The following IL18RAP variants were observed in gnomAD, a reference collection of about 807,000 sequenced individuals.
IL18RAP encodes the protein interleukin 18 receptor accessory protein, also known as interleukin-18 receptor accessory protein.
In IL18RAP, 37 loss-of-function variants were observed where a neutral mutation model predicts 58.1. The observed-to-expected ratio is 0.64, with a 90% CI of 0.49 to 0.84. The LOEUF (loss-of-function observed/expected upper bound fraction) is 0.84. IL18RAP is among the 40% of genes least tolerant of loss of function. The probability of loss-of-function intolerance (pLI) is 0.00; values close to 1 mark genes in which losing one functional copy is unlikely to be tolerated. For missense variants in IL18RAP, 667 were observed against 704.8 expected, an observed-to-expected ratio of 0.95 and a Z score of 0.61; for synonymous variants, 268 against 257.5, an observed-to-expected ratio of 1.04 and a Z score of -0.39.
chr2:102,448,460 T>G (rs2104384567), intron 8 of IL18RAP, among the ~76,000 whole-genome samples: 1 of 152,354 alleles, frequency 6.6e-6, no homozygotes, highest in Middle Eastern at 3.4e-3. Context: ...TTCTGTTTTT[T>G]TCTAGTCCTG....
chr2:102,428,033 C>T (rs1398275529), intron 3 of IL18RAP, among the ~76,000 whole-genome samples: 3 of 146,744 alleles, frequency 2.0e-5, no homozygotes, highest in Non-Finnish European at 3.0e-5. Flanking sequence ...TCTTTCTGGG[C>T]TTTCTGTCAT....
chr2:102,446,938 G>A (rs1683457562), intron 7 of IL18RAP, 132 bp from the exon 8 acceptor site: 3 of 949,112 alleles, frequency 3.2e-6, no homozygotes, highest in African/African-American at 3.3e-5. Flanking sequence ...AAAAACTGCT[G>A]CTAGTGGCAA....
rs1236441784 is a variant in IL18RAP at position 102,424,246 on chromosome 2, A to G, written c.411A>G (p.Val137=). The change falls in exon 3 of 10, where the codon GTA becomes GTG. Residue 137 remains valine (V), a synonymous_variant. Coordinates refer to ENST00000687160, the MANE Select transcript of IL18RAP (RefSeq NM_001393487.1). ...AATTTCCTAGGAGCCCCTATGATGTAGCCTGTTGTGTCAAGATGATTTTAG... is the reference window on the plus strand; with the variant it reads ...AATTTCCTAGGAGCCCCTATGATGTGGCCTGTTGTGTCAAGATGATTTTAG... The part of the protein sequence containing the change: ...RPKMIKSPYD[V]ACCVKMILEV... 6.2e-7 allele frequency: 1 copy of G among 1,613,978 alleles called. No individual in the cohort carries two copies. The highest frequency in any genetic ancestry group is 8.5e-7 in the Non-Finnish European group (1 of 1,179,978).
chr2:102,433,797 C>T (rs1321831172), intron 3 of IL18RAP, among the ~76,000 whole-genome samples: 5 of 147,082 alleles, frequency 3.4e-5, no homozygotes, highest in Non-Finnish European at 3.0e-5. Context: ...CCACCTGCCT[C>T]GGCCTCTCAA....
chr2:102,430,559 G>A (rs1226779550), intron 3 of IL18RAP, among the ~76,000 whole-genome samples: 1 of 151,942 alleles, frequency 6.6e-6, no homozygotes, highest in Non-Finnish European at 1.5e-5. Context: ...GGTGATTATT[G>A]GTAGATAAGC....
rs1347174421 is a variant in IL18RAP, at chr2:102,451,026, G to T, written c.1384+5G>T. On this transcript the variant is annotated splice_donor_5th_base_variant and intron_variant, in intron 9 of 9. Coordinates refer to ENST00000687160, the MANE Select transcript of IL18RAP (RefSeq NM_001393487.1). ...GAGATGTGGCTCCAGGAGGAGGTAAGTCCAACATGTCAAGAAAAACTGCAG... is the reference window on the plus strand; with the variant it reads ...GAGATGTGGCTCCAGGAGGAGGTAATTCCAACATGTCAAGAAAAACTGCAG... 1 of 1,571,288 alleles carries T rather than the reference G, an allele frequency of 6.4e-7. No homozygotes were observed. The highest frequency in any genetic ancestry group is 1.4e-5 in the African/African-American group (1 of 73,104).
intron 4 of IL18RAP, 124 bp from the exon 5 acceptor site, chr2:102,441,188 T>C (rs904720405): frequency 3.0e-6 from 2 of 663,648 alleles, no homozygotes; most frequent in Non-Finnish European, 5.2e-6. Flanking sequence ...TACAGGTAAT[T>C]AGTAAAATGT....
In IL18RAP at chr2:102,451,940, C is replaced by CAG. The variant is rs780443347; in HGVS notation, c.1562_1563dup (p.Pro524TyrfsTer5). On this transcript the variant is annotated frameshift_variant, in exon 10 of 10. Coordinates refer to ENST00000687160, the MANE Select transcript of IL18RAP (RefSeq NM_001393487.1). LOFTEE classifies it low-confidence loss of function (END_TRUNC). ...ATTAAGTTCTGTTACTTCCAAGAGC[C>CAG]AGAGTCTCTACCTCATCTCGTGAAA... 5 of 1,614,138 alleles carry CAG rather than the reference C, an allele frequency of 3.1e-6. No individual in the cohort carries two copies. Among genetic ancestry groups the CAG allele is most frequent in the Non-Finnish European group, 4.2e-6 (5 of 1,180,016 alleles).
intron 6 of IL18RAP, 78 bp downstream of exon 6, chr2:102,443,401 C>A: frequency 6.6e-7 from 1 of 1,507,628 alleles, no homozygotes; most frequent in Non-Finnish European, 8.9e-7. Flanking sequence ...CTAAAGTATA[C>A]AGTTGATGGT....
rs1047891368 is a variant in IL18RAP at position 102,423,705 on chromosome 2, C to A, written c.71-106C>A. The A allele has an allele frequency of 2.1e-4, 178 of 831,766 alleles. 1 individual carries two copies. The highest frequency in any genetic ancestry group is 3.4e-5 in the Non-Finnish European group (18 of 528,786). 51.5% of individuals were successfully genotyped at this position (831,766 alleles called of 1,614,324 possible). ...AAATAGACAGTGAAGAAGAAAGACA[C>A]ACAAGGAAGCTAGATCTCTTGTTAA... On this transcript the variant is annotated intron_variant, in intron 1 of 9. Transcript: ENST00000687160.
At chr2:102,423,382 G>A in intron 1 of IL18RAP, 35 bp downstream of exon 1, 1 of 1,556,910 alleles carries the variant, frequency 6.4e-7, no homozygotes, top group South Asian at 1.1e-5. Flanking sequence ...AGCACTGTGA[G>A]TCTGTGGTCA....
intron 8 of IL18RAP, among the ~76,000 whole-genome samples, chr2:102,447,629 T>TGAG (rs1329434599): frequency 6.6e-6 from 1 of 152,116 alleles, no homozygotes; most frequent in Non-Finnish European, 1.5e-5. Flanking sequence ...TAAAACAGGA[T>TGAG]TGTCATAGCA....
At chr2:102,448,146 T>C (rs544064410) in intron 8 of IL18RAP, among the ~76,000 whole-genome samples, 1 of 152,218 alleles carries the variant, frequency 6.6e-6, no homozygotes, top group African/African-American at 2.4e-5. Context: ...TTAGCTACTT[T>C]AATGGTCACA....
chr2:102,419,930 C>T (rs775620627), upstream of IL18RAP: 5 of 152,202 alleles, frequency 3.3e-5, no homozygotes, highest in Non-Finnish European at 5.9e-5. Context: ...TTATTTTATT[C>T]CCATAAGCAG....
rs757008276 is a variant in IL18RAP at position 102,437,263 on chromosome 2, G to A, written c.631G>A (p.Val211Ile). 17 of 1,613,564 alleles carry A rather than the reference G, an allele frequency of 1.1e-5. No individual in the cohort carries two copies. Among genetic ancestry groups the A allele is most frequent in the Admixed American group, 1.7e-5 (1 of 59,924 alleles). ...GAGCAACCGAATCGTAGTGGATGAAGTTTATGACTATCACCAGGGCACATA... is the reference window on the plus strand; with the variant it reads ...GAGCAACCGAATCGTAGTGGATGAAATTTATGACTATCACCAGGGCACATA... ...ERSNRIVVDE[V>I]YDYHQGTYVC... Residue 211 changes from valine to isoleucine, a missense_variant, in exon 4 of 10, where the codon GTT (valine) becomes ATT (isoleucine). Coordinates refer to ENST00000687160, the MANE Select transcript of IL18RAP (RefSeq NM_001393487.1).
chr2:102,437,314 A>T lies in IL18RAP; in HGVS notation c.682A>T (p.Thr228Ser). The change falls in exon 4 of 10, where the codon ACT becomes TCT. Residue 228 changes from threonine (T) to serine (S), a missense_variant. Coordinates refer to ENST00000687160, the MANE Select transcript of IL18RAP (RefSeq NM_001393487.1). ...TGTATGTGATTACACTCAGTCGGAT[A>T]CTGTGAGTTCGTGGACAGTCAGAGC... Reference protein sequence around the residue: ...TYVCDYTQSDTVSSWTVRAVV... With the variant: ...TYVCDYTQSDSVSSWTVRAVV... 1 of 1,613,760 alleles carries T rather than the reference A, an allele frequency of 6.2e-7. No individual in the cohort carries two copies. The highest frequency in any genetic ancestry group is 8.5e-7 in the Non-Finnish European group (1 of 1,179,800).
intron 3 of IL18RAP, chr2:102,435,075 A>G (rs1682644652): frequency 6.6e-6 from 1 of 152,240 alleles, no homozygotes; most frequent in Non-Finnish European, 1.5e-5. Context: ...GACTGCAACT[A>G]CACTTAACGG....
In IL18RAP at chr2:102,446,795, CA is replaced by C. The variant is rs749884501; in HGVS notation, c.1073-258del. 5.0e-3 allele frequency among the ~76,000 whole-genome samples: 596 copies of C among 119,688 alleles called. 4 individuals are homozygous for C. The highest frequency in any genetic ancestry group is 0.032 in the East Asian group (120 of 3,764). The allele number at this position is 119,688 out of a possible 152,430, so 78.5% of individuals were successfully genotyped here. On this transcript the variant is annotated intron_variant, in intron 7 of 9. Transcript: ENST00000687160. ...CTGGGCGACATACAGACTCCGTCTC[CA>C]AAAAAAAAAAAAAAAAGTATAATGA...
chr2:102,436,726 T>C (rs897191070), intron 3 of IL18RAP, among the ~76,000 whole-genome samples: 3 of 152,128 alleles, frequency 2.0e-5, no homozygotes, highest in African/African-American at 7.2e-5. Context: ...TATATAAGTT[T>C]TTATTTATAA....
Sources: gnomAD v4.1 joint callset for allele counts (sites outside exome capture counted in the v4.1 genomes callset) on GRCh38, gnomAD v4.1.1 for gene constraint, MANE v1.5 for transcripts, NCBI Gene and HGNC (gene_info 2026-07-23, HGNC 2026-07-21) for gene names.